Variants in ZMYM4 observed in about 807,000 individuals in gnomAD.
ZMYM4 encodes zinc finger MYM-type protein 4.
A neutral mutation model predicts 183.2 loss-of-function variants in ZMYM4; 31 were observed. The ratio of observed to expected loss-of-function variants is 0.17; its 90% CI spans 0.13 to 0.23. The LOEUF is 0.23. ZMYM4 is among the 10% of genes least tolerant of loss of function. The pLI is 1.00. For missense variants in ZMYM4, 1,273 were observed against 1,840.3 expected (o/e 0.69, Z 5.64); for synonymous variants, 592 against 631.2 (o/e 0.94, Z 0.93).
Position 35,370,031 on chromosome 1 carries a change from G to C in ZMYM4, c.843G>C (p.Glu281Asp). 2 of 1,610,998 alleles carry C rather than the reference G, an allele frequency of 1.2e-6. No homozygotes were observed. The highest frequency in any genetic ancestry group is 1.7e-6 in the Non-Finnish European group (2 of 1,177,730). Reference protein sequence around the residue: ...KIKDEPDNAQEYSHGQQQKTQ... With the variant: ...KIKDEPDNAQDYSHGQQQKTQ... ...ATTTATTTTTTTCTTCTTTAAAGGA[G>C]TATAGTCATGGCCAACAGCAAAAAA... Residue 281 changes from glutamate (E) to aspartate (D), a missense_variant and splice_region_variant, in exon 6 of 30, where the codon GAG becomes GAC. Glu to Asp is a conservative substitution (Grantham distance 45, BLOSUM62 2). Around this residue, in one of 6 missense-constraint regions of ZMYM4, gnomAD observed 384 missense variants for 465.6 expected, o/e 0.82. Transcript: ENST00000314607.
At chr1:35,400,802 C>T (rs187864973) in intron 23 of ZMYM4, among the ~76,000 whole-genome samples, 2 of 152,112 alleles carry the variant, frequency 1.3e-5, no homozygotes, top group African/African-American at 2.4e-5. Flanking sequence ...TCTACTGTAC[C>T]GATTGATGCA....
In ZMYM4 at chr1:35,418,078, C is replaced by T. The variant is rs577820572; in HGVS notation, c.4310-365C>T. On this transcript the variant is annotated intron_variant, in intron 28 of 29. Coordinates refer to ENST00000314607, the MANE Select transcript of ZMYM4 (RefSeq NM_005095.3). ...TAGGAGAAAAACATGTGGAACCCTTCTTTCTGCTTTATCTTGATATGTCTC... is the reference window on the plus strand; with the variant it reads ...TAGGAGAAAAACATGTGGAACCCTTTTTTCTGCTTTATCTTGATATGTCTC... Among the ~76,000 whole-genome samples, 20 of 152,110 alleles carry T rather than the reference C, an allele frequency of 1.3e-4. No individual in the cohort carries two copies. In the South Asian group the frequency reaches 3.3e-3, roughly 25 times the overall value.
At chr1:35,273,069 C>T (rs1412385745) in intron 1 of ZMYM4, among the ~76,000 whole-genome samples, 1 of 152,120 alleles carries the variant, frequency 6.6e-6, no homozygotes, top group African/African-American at 2.4e-5. Flanking sequence ...GGTAGGCCTG[C>T]CTGATGTCTT....
In ZMYM4 at chr1:35,319,985, G is replaced by A. The variant is rs537906238; in HGVS notation, c.40-5375G>A. Among the ~76,000 whole-genome samples, 34 of 152,222 alleles carry A rather than the reference G, an allele frequency of 2.2e-4. No homozygotes were observed. The South Asian group carries it at 2.7e-3, about 12-fold the overall frequency. ...AGACTGAGTTTTTGTTATATTTTAC[G>A]CAGTGTTGTAGGTGCTAGGCTACTA... On this transcript the variant is annotated intron_variant, in intron 1 of 29. Transcript: ENST00000314607.
At chr1:35,309,339 A>G (rs998310074) in intron 1 of ZMYM4, among the ~76,000 whole-genome samples, 9 of 152,166 alleles carry the variant, frequency 5.9e-5, no homozygotes, top group African/African-American at 1.9e-4. Flanking sequence ...TTATGATTGC[A>G]TTATGTATTC....
chr1:35,272,272 CT>C (rs2148663036), intron 1 of ZMYM4, among the ~76,000 whole-genome samples: 1 of 152,312 alleles, frequency 6.6e-6, no homozygotes, highest in East Asian at 1.9e-4. Flanking sequence ...TGGTATTGTA[CT>C]TAATGATGCT....
At chr1:35,303,073 G>A (rs1200426030) in intron 1 of ZMYM4, among the ~76,000 whole-genome samples, 6 of 150,136 alleles carry the variant, frequency 4.0e-5, no homozygotes, top group African/African-American at 7.4e-5. Flanking sequence ...CTAGGAGTTC[G>A]AGTCCAACCT....
chr1:35,277,873 T>C (rs1217378197), intron 1 of ZMYM4, among the ~76,000 whole-genome samples: 1 of 152,222 alleles, frequency 6.6e-6, no homozygotes, highest in East Asian at 1.9e-4. Context: ...TTTTACCATA[T>C]GTGATACATT....
At chr1:35,409,055 T>C (rs867896533) in intron 26 of ZMYM4, among the ~76,000 whole-genome samples, 2 of 152,254 alleles carry the variant, frequency 1.3e-5, no homozygotes, top group Non-Finnish European at 2.9e-5. Context: ...GTGTCTGGTT[T>C]CTTTCCCTTA....
At position 35,421,683 on chromosome 1, in the gene ZMYM4, T is replaced by C. The variant is rs1440637590; in HGVS notation, c.*2006T>C. ...CACAGAGTTGCCCAGAACCCTAAATTTATTCATAAGAGAAAATATTGATTA... is the reference window on the plus strand; with the variant it reads ...CACAGAGTTGCCCAGAACCCTAAATCTATTCATAAGAGAAAATATTGATTA... On this transcript the variant is annotated 3_prime_UTR_variant, in exon 30 of 30. Transcript: ENST00000314607. 6.6e-6 allele frequency: 1 copy of C among 152,216 alleles called. No homozygotes were observed. Among genetic ancestry groups the C allele is most frequent in the African/African-American group, 2.4e-5 (1 of 41,452 alleles). 9.4% of individuals were successfully genotyped at this position (152,216 alleles called of 1,614,324 possible).
chr1:35,325,414 C>A lies in ZMYM4; in HGVS notation c.85+9C>A. 1.3e-6 allele frequency: 2 copies of A among 1,595,354 alleles called. No individual in the cohort carries two copies. Among genetic ancestry groups the A allele is most frequent in the Non-Finnish European group, 1.7e-6 (2 of 1,171,026 alleles). On this transcript the variant is annotated intron_variant, in intron 2 of 29. Transcript: ENST00000314607. Reference sequence around the variant, plus strand: ...TGAAATTGTAGAGAACTGTAAGTACCATTTGAGAAAAAACAATCATGTCTT... The same window carrying A: ...TGAAATTGTAGAGAACTGTAAGTACAATTTGAGAAAAAACAATCATGTCTT...
At chr1:35,390,381 G>T (rs1476118840) in intron 15 of ZMYM4, among the ~76,000 whole-genome samples, 1 of 151,996 alleles carries the variant, frequency 6.6e-6, no homozygotes, top group Admixed American at 6.6e-5. Context: ...GGGAGATGGG[G>T]TGGGGCCGTT....
chr1:35,347,660 G>A (rs981730762), intron 2 of ZMYM4, among the ~76,000 whole-genome samples: 6 of 151,954 alleles, frequency 3.9e-5, no homozygotes, highest in South Asian at 2.1e-4. Flanking sequence ...ACAGATTTTT[G>A]TTTTATAAGT....
chr1:35,397,126 A>C, intron 19 of ZMYM4: 1 of 1,093,812 alleles, frequency 9.1e-7, no homozygotes, highest in Non-Finnish European at 1.1e-6. Flanking sequence ...AACAAAATGC[A>C]AGTGTATTAT....
intron 7 of ZMYM4, among the ~76,000 whole-genome samples, chr1:35,377,031 C>T (rs546080754): frequency 2.4e-4 from 36 of 152,078 alleles, no homozygotes; most frequent in African/African-American, 7.0e-4. Context: ...CTCAGCTTCC[C>T]GAGTAGCTGG....
chr1:35,317,498 A>T (rs776261669), intron 1 of ZMYM4, among the ~76,000 whole-genome samples: 1 of 152,232 alleles, frequency 6.6e-6, no homozygotes, highest in African/African-American at 2.4e-5. Flanking sequence ...AATAAATTGT[A>T]TAAAATGTAG....
chr1:35,380,801 A>G (rs1175911804), intron 7 of ZMYM4, among the ~76,000 whole-genome samples: 1 of 152,168 alleles, frequency 6.6e-6, no homozygotes, highest in African/African-American at 2.4e-5. Context: ...TGGTAATGTT[A>G]TATTTTATAT....
intron 2 of ZMYM4, among the ~76,000 whole-genome samples, chr1:35,338,494 C>G (rs1023080449): frequency 6.6e-6 from 1 of 152,056 alleles, no homozygotes; most frequent in African/African-American, 2.4e-5. Context: ...TGAATATGCT[C>G]GGGTTTTGGT....
chr1:35,396,210 G>A (rs748782730), intron 18 of ZMYM4, among the ~76,000 whole-genome samples: 11 of 152,070 alleles, frequency 7.2e-5, no homozygotes, highest in Non-Finnish European at 1.5e-4. Flanking sequence ...TAGCATGATG[G>A]AAATGGCCCC....
Sources: allele counts gnomAD v4.1 joint callset (sites outside exome capture counted in the v4.1 genomes callset), GRCh38; gene constraint gnomAD v4.1.1; regional missense constraint gnomAD v4.1.1; transcripts MANE v1.5; gene names NCBI Gene and HGNC (gene_info 2026-07-23, HGNC 2026-07-21).